CUBN: variants seen among roughly 807,000 people sequenced by gnomAD.
The protein encoded by CUBN is cubilin.
Under a neutral mutation model 405.3 loss-of-function variants are expected in CUBN, and 282 were observed. That is an observed-to-expected ratio of 0.70 (90% CI 0.63 to 0.77). The LOEUF (loss-of-function observed/expected upper bound fraction) is 0.77, where lower values mean the gene tolerates loss of function less well. Among genes scored for constraint, CUBN ranks in the 30% least tolerant of loss-of-function variants. The probability of loss-of-function intolerance (pLI) is 0.00; values close to 1 mark genes in which losing one functional copy is unlikely to be tolerated. For missense variants in CUBN, 4,514 were observed against 4,475.2 expected, an observed-to-expected ratio of 1.01 and a Z score of -0.25; for synonymous variants, 1,684 against 1,617.0, an observed-to-expected ratio of 1.04 and a Z score of -0.99.
intron 31 of CUBN, among the ~76,000 whole-genome samples, chr10:16,975,379 C>T (rs1209628199): frequency 2.6e-5 from 4 of 152,184 alleles, no homozygotes; most frequent in Non-Finnish European, 4.4e-5. Flanking sequence ...GTTTATGTCC[C>T]ATGTAGGTGG....
chr10:16,836,908 C>A (rs997953000), intron 62 of CUBN, among the ~76,000 whole-genome samples: 1 of 152,188 alleles, frequency 6.6e-6, no homozygotes, highest in African/African-American at 2.4e-5. Flanking sequence ...GCCCTCATCA[C>A]CTCTCAAAAG....
chr10:17,004,413 A>C (rs951737502), intron 28 of CUBN, among the ~76,000 whole-genome samples: 2 of 152,136 alleles, frequency 1.3e-5, no homozygotes, highest in Admixed American at 6.5e-5. Flanking sequence ...ACCTCACCTA[A>C]TTTTTATACT....
At chr10:17,108,596 T>C (rs1349156761) in intron 10 of CUBN, among the ~76,000 whole-genome samples, 1 of 151,962 alleles carries the variant, frequency 6.6e-6, no homozygotes, top group African/African-American at 2.4e-5. Flanking sequence ...ATTCTAAAAA[T>C]ATAAAATATC....
intron 31 of CUBN, among the ~76,000 whole-genome samples, chr10:16,978,297 A>G (rs1047556168): frequency 6.6e-6 from 1 of 152,128 alleles, no homozygotes; most frequent in African/African-American, 2.4e-5. Flanking sequence ...CAAAGACTGG[A>G]CTCACACCTC....
chr10:16,903,139 G>C (rs1841444698), intron 51 of CUBN, among the ~76,000 whole-genome samples: 1 of 152,128 alleles, frequency 6.6e-6, no homozygotes, highest in Non-Finnish European at 1.5e-5. Context: ...TTTACCAAGA[G>C]AAATAAATCT....
At chr10:17,073,280 T>A (rs994459899) in intron 17 of CUBN, among the ~76,000 whole-genome samples, 1 of 152,110 alleles carries the variant, frequency 6.6e-6, no homozygotes, top group African/African-American at 2.4e-5. Flanking sequence ...GCAAGAAAGG[T>A]TAGAAATTAT....
rs1401658332 is a variant in CUBN, at chr10:16,925,785, A to T, written c.6272-11T>A. ...AATATCCACCGCAGCCTTCCCACAA[A>T]GAAACAAAGGTCGGTTATTTAAATA... On this transcript the variant is annotated splice_polypyrimidine_tract_variant and intron_variant, in intron 41 of 66. Transcript: ENST00000377833. 1.2e-6 allele frequency: 2 copies of T among 1,613,402 alleles called. No individual in the cohort carries two copies. The highest frequency in any genetic ancestry group is 1.7e-6 in the Non-Finnish European group (2 of 1,179,414).
At chr10:17,118,231 G>C (rs1478780410) in intron 6 of CUBN, among the ~76,000 whole-genome samples, 1 of 152,106 alleles carries the variant, frequency 6.6e-6, no homozygotes, top group African/African-American at 2.4e-5. Flanking sequence ...TAAACCATAG[G>C]ATTCCTTCCT....
intron 22 of CUBN, among the ~76,000 whole-genome samples, chr10:17,050,307 T>C (rs1835234683): frequency 6.6e-6 from 1 of 152,216 alleles, no homozygotes; most frequent in Non-Finnish European, 1.5e-5. Flanking sequence ...AGATTGTGAT[T>C]CTTGACAGAA....
Position 16,915,130 on chromosome 10 carries a change from C to T in CUBN, c.7253G>A (p.Ser2418Asn), listed in dbSNP as rs1841848857. The T allele has an allele frequency of 1.2e-6, 2 of 1,614,036 alleles. No homozygotes were observed. Among genetic ancestry groups the T allele is most frequent in the Non-Finnish European group, 1.7e-6 (2 of 1,179,934 alleles). Residue 2418 changes from serine to asparagine, a missense_variant, in exon 47 of 67, where the codon AGC becomes AAC. Ser to Asn is a conservative substitution (Grantham distance 46). Coordinates refer to ENST00000377833, the MANE Select transcript of CUBN (RefSeq NM_001081.4). ...GRYCGNTIPD[S>N]IDTSSNTAVV... ...AGCAGTATTGCTAGAAGTGTCTATG[C>T]TGTCAGGAATGGTGTTTCCACAGTA...
At chr10:17,067,980 A>G (rs1278980778) in intron 21 of CUBN, 84 bp downstream of exon 21, 1 of 1,073,980 alleles carries the variant, frequency 9.3e-7, no homozygotes, top group Non-Finnish European at 1.4e-6. Context: ...TTCATAACAC[A>G]ACGTGGTCAA....
chr10:16,926,687 C>T (rs762739477), intron 41 of CUBN, among the ~76,000 whole-genome samples: 31 of 152,150 alleles, frequency 2.0e-4, no homozygotes, highest in Middle Eastern at 3.4e-3. Context: ...AAGATTTTGA[C>T]TTAAATAATG....
chr10:16,851,523 C>T, intron 59 of CUBN, 80 bp from the exon 60 acceptor site: 4 of 1,268,824 alleles, frequency 3.2e-6, no homozygotes, highest in Non-Finnish European at 4.6e-6. Flanking sequence ...TTAAAAAGAA[C>T]ATAGTTTCCA....
chr10:16,939,925 A>C (rs1476724336), intron 37 of CUBN, 107 bp downstream of exon 37: 1 of 977,604 alleles, frequency 1.0e-6, no homozygotes. Context: ...GTAGGAAAAT[A>C]GTGTAGAGTT....
chr10:16,860,438 T>C (rs558058921), intron 59 of CUBN, among the ~76,000 whole-genome samples: 9 of 152,282 alleles, frequency 5.9e-5, no homozygotes, highest in African/African-American at 1.7e-4. Context: ...TAGAAAGATA[T>C]AATAATTATA....
chr10:16,841,650 G>A (rs187420238), intron 60 of CUBN, among the ~76,000 whole-genome samples: 1 of 152,228 alleles, frequency 6.6e-6, no homozygotes, highest in Non-Finnish European at 1.5e-5. Context: ...CAGGTGTGTT[G>A]CTGCTTCTTG....
intron 36 of CUBN, among the ~76,000 whole-genome samples, chr10:16,946,216 G>A (rs1280723740): frequency 6.6e-6 from 1 of 152,072 alleles, no homozygotes; most frequent in Non-Finnish European, 1.5e-5. Flanking sequence ...TATATAATAA[G>A]CATCCATTAT....
intron 22 of CUBN, among the ~76,000 whole-genome samples, chr10:17,054,993 T>G (rs768034275): frequency 6.6e-6 from 1 of 152,068 alleles, no homozygotes; most frequent in South Asian, 2.1e-4. Context: ...TCAGGAAGAT[T>G]ACAGTTCAGT....
At chr10:16,984,336 C>G in intron 29 of CUBN, 57 bp from the exon 30 acceptor site, 1 of 1,514,286 alleles carries the variant, frequency 6.6e-7, no homozygotes, top group South Asian at 1.1e-5. Flanking sequence ...ATTACAGGCC[C>G]TTGCTCTGGC....
Sources: allele counts gnomAD v4.1 joint callset (sites outside exome capture counted in the v4.1 genomes callset), GRCh38; gene constraint gnomAD v4.1.1; transcripts MANE v1.5; gene names NCBI Gene and HGNC (gene_info 2026-07-23, HGNC 2026-07-21).